Variants in NRG3 observed in about 807,000 individuals in gnomAD.
The protein encoded by NRG3 is neuregulin 3, also known as pro-neuregulin-3, membrane-bound isoform.
NRG3 carries 31 observed loss-of-function variants against 66.9 expected under a neutral mutation model. The observed-to-expected ratio is 0.46, with a 90% confidence interval of 0.35 to 0.63. The LOEUF (loss-of-function observed/expected upper bound fraction) is 0.63. Among genes scored for constraint, NRG3 ranks in the 20% least tolerant of loss-of-function variants. NRG3 has a pLI of 0.00. For synonymous variants in NRG3, 393 were observed against 359.4 expected (o/e 1.09, Z -1.06); for missense variants, 910 against 878.9 (o/e 1.04, Z -0.45).
chr10:82,697,027 C>G (rs965944259), intron 2 of NRG3, among the ~76,000 whole-genome samples: 8 of 152,186 alleles, frequency 5.3e-5, no homozygotes, highest in African/African-American at 1.9e-4. Context: ...CTCTTCTGAA[C>G]TGAGACTTTC....
intron 2 of NRG3, among the ~76,000 whole-genome samples, chr10:82,531,476 A>AT (rs1301053434): frequency 6.6e-6 from 1 of 151,790 alleles, no homozygotes; most frequent in African/African-American, 2.4e-5. Context: ...TTTAGAAATA[A>AT]TTTTACTTTT....
intron 1 of NRG3, among the ~76,000 whole-genome samples, chr10:82,102,488 CTTTT>C (rs1379494625): frequency 1.3e-5 from 2 of 150,848 alleles, no homozygotes; most frequent in Non-Finnish European, 3.0e-5. Flanking sequence ...TTAGGTTTAG[CTTTT>C]TTATTAGTTA....
intron 3 of NRG3, among the ~76,000 whole-genome samples, chr10:82,854,861 T>C (rs986445014): frequency 6.6e-6 from 1 of 152,154 alleles, no homozygotes; most frequent in Non-Finnish European, 1.5e-5. Flanking sequence ...ATCTTCTCTT[T>C]TCTTAAGTCA....
intron 1 of NRG3, among the ~76,000 whole-genome samples, chr10:82,347,881 G>T (rs1285181706): frequency 6.6e-6 from 1 of 151,772 alleles, no homozygotes; most frequent in Admixed American, 6.6e-5. Flanking sequence ...CAGAGACTAG[G>T]ATTGCAACCC....
intron 1 of NRG3, among the ~76,000 whole-genome samples, chr10:81,993,067 A>G (rs973637327): frequency 9.2e-5 from 14 of 152,298 alleles, no homozygotes; most frequent in Admixed American, 2.0e-4. Context: ...TTGAACGATA[A>G]GAAGTTATCT....
chr10:82,103,053 T>C (rs1465819282), intron 1 of NRG3, among the ~76,000 whole-genome samples: 1 of 152,156 alleles, frequency 6.6e-6, no homozygotes, highest in Non-Finnish European at 1.5e-5. Flanking sequence ...TTTCAGACTA[T>C]CTTCATCTGA....
chr10:82,790,697 C>T lies in NRG3; in HGVS notation c.1027+52047C>T, dbSNP rs141200951. Among the ~76,000 whole-genome samples the T allele has an allele frequency of 5.4e-3, 827 of 152,030 alleles. 13 individuals are homozygous for T. The highest frequency in any genetic ancestry group is 0.017 in the African/African-American group (709 of 41,508). On this transcript the variant is annotated intron_variant, in intron 3 of 8. Coordinates refer to ENST00000372141, the MANE Select transcript of NRG3 (RefSeq NM_001010848.4). ...TTTCTTTCTCATCCTTCTAGGACTT[C>T]CATTATGCATATGTCAGTGTGATTG... is the stretch of plus-strand genomic sequence containing the variant.
chr10:82,253,534 C>G (rs934205783), intron 1 of NRG3, among the ~76,000 whole-genome samples: 20 of 152,138 alleles, frequency 1.3e-4, no homozygotes, highest in Admixed American at 5.9e-4. Flanking sequence ...ATAAATAGCT[C>G]TTCTCCAATC....
intron 2 of NRG3, among the ~76,000 whole-genome samples, chr10:82,597,481 A>G (rs1307962338): frequency 6.6e-6 from 1 of 152,182 alleles, no homozygotes; most frequent in Non-Finnish European, 1.5e-5. Flanking sequence ...TAAACCTACA[A>G]ATTACATACA....
chr10:82,092,783 C>G (rs1192759485), intron 1 of NRG3, among the ~76,000 whole-genome samples: 2 of 152,068 alleles, frequency 1.3e-5, no homozygotes, highest in Admixed American at 6.6e-5. Context: ...TTCTTGCAGC[C>G]CAGTGTAAAA....
intron 2 of NRG3, among the ~76,000 whole-genome samples, chr10:82,680,065 C>T (rs1053364051): frequency 6.6e-6 from 1 of 152,050 alleles, no homozygotes; most frequent in African/African-American, 2.4e-5. Flanking sequence ...GCTAGTTACA[C>T]CAAAACTAAT....
chr10:82,297,054 C>G (rs2080106769), intron 1 of NRG3, among the ~76,000 whole-genome samples: 1 of 152,098 alleles, frequency 6.6e-6, no homozygotes, highest in African/African-American at 2.4e-5. Context: ...TCTGTTGATG[C>G]ATAAATTCAC....
chr10:82,741,839 A>T (rs1211258320), intron 3 of NRG3, among the ~76,000 whole-genome samples: 1 of 138,254 alleles, frequency 7.2e-6, no homozygotes, highest in Non-Finnish European at 1.7e-5. Flanking sequence ...TCTAAATTCC[A>T]CTGACTGAAA....
At chr10:82,088,929 C>G (rs2065875294) in intron 1 of NRG3, among the ~76,000 whole-genome samples, 1 of 151,974 alleles carries the variant, frequency 6.6e-6, no homozygotes, top group South Asian at 2.1e-4. Flanking sequence ...CATAATCAGC[C>G]AGAGTCAGAG....
intron 1 of NRG3, among the ~76,000 whole-genome samples, chr10:82,301,893 T>C (rs2080425805): frequency 6.6e-6 from 1 of 151,884 alleles, no homozygotes; most frequent in Non-Finnish European, 1.5e-5. Flanking sequence ...CTTTTTTGTG[T>C]ATTTCTTTTT....
intron 1 of NRG3, among the ~76,000 whole-genome samples, chr10:81,934,611 T>A (rs2133034540): frequency 6.6e-6 from 1 of 152,338 alleles, no homozygotes; most frequent in Admixed American, 6.5e-5. Flanking sequence ...TTTAGATATA[T>A]GTGGCCTTTT....
intron 4 of NRG3, among the ~76,000 whole-genome samples, chr10:82,897,784 T>G (rs1256958334): frequency 6.6e-6 from 1 of 152,174 alleles, no homozygotes; most frequent in African/African-American, 2.4e-5. Flanking sequence ...CCTCCCAAAG[T>G]GCCGGGATTA....
In NRG3 at chr10:82,929,738, G is replaced by C. The variant is rs573525720; in HGVS notation, c.1055-21731G>C. On this transcript the variant is annotated intron_variant, in intron 4 of 8. Transcript: ENST00000372141. ...TACTAAAAATACAAAAATTAGCCAG[G>C]CATGGTGGTTGGCACCTGTAATCAC... 1.5e-4 allele frequency among the ~76,000 whole-genome samples: 23 copies of C among 152,046 alleles called. No homozygotes were observed. The East Asian group carries it at 1.6e-3, about 10-fold the overall frequency.
chr10:82,101,072 C>T (rs1005056958), intron 1 of NRG3, among the ~76,000 whole-genome samples: 31 of 151,818 alleles, frequency 2.0e-4, no homozygotes, highest in African/African-American at 7.5e-4. Flanking sequence ...TGCTAATTTG[C>T]CTCACTCAAG....
Sources: allele counts gnomAD v4.1 joint callset (sites outside exome capture counted in the v4.1 genomes callset), GRCh38; gene constraint gnomAD v4.1.1; transcripts MANE v1.5; gene names NCBI Gene and HGNC (gene_info 2026-07-23, HGNC 2026-07-21).